ZER1: variants seen among roughly 807,000 people sequenced by gnomAD.
The protein encoded by ZER1 is zyg-11 related cell cycle regulator, also known as protein zer-1 homolog.
ZER1 carries 11 observed loss-of-function variants against 78.8 expected under a neutral mutation model. That is an observed-to-expected ratio of 0.14 (90% CI 0.09 to 0.23). The LOEUF (loss-of-function observed/expected upper bound fraction) is 0.23. Among genes scored for constraint, ZER1 ranks in the 10% least tolerant of loss-of-function variants. ZER1 has a pLI of 1.00. For missense variants in ZER1, 588 were observed against 996.9 expected, an observed-to-expected ratio of 0.59 and a Z score of 5.52; for synonymous variants, 400 against 407.0, an observed-to-expected ratio of 0.98 and a Z score of 0.21.
chr9:128,731,191 G>C lies in ZER1; in HGVS notation c.*146C>G, dbSNP rs1177963838. Reference sequence around the variant, plus strand: ...TATATATATATCTCACTAACATTAAGGAAAAGCGTCGGTTGTGCAAAAGTC... The same window carrying C: ...TATATATATATCTCACTAACATTAACGAAAAGCGTCGGTTGTGCAAAAGTC... On this transcript the variant is annotated 3_prime_UTR_variant, in exon 16 of 16. Coordinates refer to ENST00000291900, the MANE Select transcript of ZER1 (RefSeq NM_006336.4). 9.6e-6 allele frequency: 5 copies of C among 518,168 alleles called. No individual in the cohort carries two copies. In the South Asian group the frequency reaches 1.6e-4, roughly 16 times the overall value. 32.1% of individuals were successfully genotyped at this position (518,168 alleles called of 1,614,324 possible).
Position 128,740,155 on chromosome 9 carries a change from CCCCCAGTT to C in ZER1, c.1854-44_1854-37del. ...AAAGACAGAAAAATGGAGTCCCACT[CCCCCAGTT>C]TCTCTTCAGATACCAGCGGCAGGAC... is the stretch of plus-strand genomic sequence containing the variant. On this transcript the variant is annotated intron_variant, in intron 12 of 15. Transcript: ENST00000291900. This position sits in a 1 kb window ranked among gnomAD's most constrained non-coding sequence, Gnocchi z 4.4. 1 of 1,549,702 alleles carries C rather than the reference CCCCCAGTT, an allele frequency of 6.5e-7. No homozygotes were observed. Among genetic ancestry groups the C allele is most frequent in the South Asian group, 1.2e-5 (1 of 85,350 alleles).
chr9:128,739,987 G>A lies in ZER1; in HGVS notation c.1986C>T (p.Arg662=), dbSNP rs1356116519. The part of the protein sequence containing the change: ...CEPQREEVEE[R]MWAAIQSWDI... ...CCCAGCTCTGGATGGCAGCCCACAT[G>A]CGTTCCTCCACCTCCTCACGCTGGG... is the stretch of plus-strand genomic sequence containing the variant. The change falls in exon 13 of 16, where the codon CGC becomes CGT. Residue 662 remains arginine, a synonymous_variant. Transcript: ENST00000291900. 5 of 1,613,788 alleles carry A rather than the reference G, an allele frequency of 3.1e-6. No homozygotes were observed. The East Asian group carries it at 6.7e-5, about 22-fold the overall frequency.
rs756084455 is a variant in ZER1, at chr9:128,752,897, G to C, written c.747-48C>G. ...CAGGTTAGGAGCTGGGTACAGGGTG[G>C]GGCTGCCTTGCAGATCCCAGCTCCT... On this transcript the variant is annotated intron_variant, in intron 4 of 15. Transcript: ENST00000291900. 9 of 1,576,142 alleles carry C rather than the reference G, an allele frequency of 5.7e-6. No individual in the cohort carries two copies. In the Admixed American group the frequency reaches 1.5e-4, roughly 26 times the overall value.
At position 128,753,145 on chromosome 9, in the gene ZER1, C is replaced by G. The variant is rs1186775259; in HGVS notation, c.746+19G>C. On this transcript the variant is annotated intron_variant, in intron 4 of 15. Transcript: ENST00000291900. This position sits in a 1 kb window ranked among gnomAD's most constrained non-coding sequence, Gnocchi z 7.5. ...GCCCCCCAAACCCCACCCTGGTGAG[C>G]TCTGGGCCAGGAGCTCACCGCAGCT... is the stretch of plus-strand genomic sequence containing the variant. The G allele has an allele frequency of 9.2e-6, 14 of 1,515,730 alleles. No individual in the cohort carries two copies. The highest frequency in any genetic ancestry group is 1.2e-5 in the Non-Finnish European group (14 of 1,129,526). The allele number at this position is 1,515,730 out of a possible 1,614,324, so 93.9% of individuals were successfully genotyped here. A position where few individuals can be genotyped will look rare whatever the true frequency, so the allele number is the denominator to read the frequency against.
rs571804210 is a variant in ZER1 at position 128,755,179 on chromosome 9, C to A, written c.158+229G>T. ...CTTACATGTGTACACACACCCATGC[C>A]TTCACGTGCACACCCCTCCACACAC... On this transcript the variant is annotated intron_variant, in intron 2 of 15. Transcript: ENST00000291900. This position sits in a 1 kb window ranked among gnomAD's most constrained non-coding sequence, Gnocchi z 5.6. Among the ~76,000 whole-genome samples, 2 of 152,192 alleles carry A rather than the reference C, an allele frequency of 1.3e-5. No homozygotes were observed. The highest frequency in any genetic ancestry group is 3.9e-4 in the East Asian group (2 of 5,188).
chr9:128,740,031 C>A lies in ZER1; in HGVS notation c.1942G>T (p.Ala648Ser). The A allele has an allele frequency of 6.2e-7, 1 of 1,614,070 alleles. No individual in the cohort carries two copies. Among genetic ancestry groups the A allele is most frequent in the South Asian group, 1.1e-5 (1 of 91,072 alleles). ...LSHIMFDGPE[A>S]WGVCEPQREE... ...CGCTGGGGCTCACAGACGCCCCAGGCCTCGGGTCCATCAAACATGATGTGG... is the reference window on the plus strand; with the variant it reads ...CGCTGGGGCTCACAGACGCCCCAGGACTCGGGTCCATCAAACATGATGTGG... The change falls in exon 13 of 16, where the codon GCC (alanine) becomes TCC (serine). Residue 648 changes from alanine (A) to serine (S), a missense_variant. Around this residue, in one of 3 missense-constraint regions of ZER1, gnomAD observed 122 missense variants for 173.5 expected, o/e 0.70. Transcript: ENST00000291900. The surrounding 1 kb of genome is among the most constrained non-coding windows in gnomAD (Gnocchi z 4.4).
intron 9 of ZER1, 126 bp downstream of exon 9, chr9:128,742,404 G>T: frequency 1.8e-6 from 2 of 1,088,852 alleles, no homozygotes; most frequent in Non-Finnish European, 2.7e-6. Context: ...AATCCCTCAT[G>T]CTTCAGCACA....
At chr9:128,747,590 T>G (rs1412513363) in intron 8 of ZER1, among the ~76,000 whole-genome samples, 2 of 152,210 alleles carry the variant, frequency 1.3e-5, no homozygotes, top group African/African-American at 4.8e-5. Context: ...TTTTCATCTT[T>G]TAAGCATTTA....
chr9:128,751,251 G>C lies in ZER1; in HGVS notation c.1056C>G (p.Asn352Lys). ...IPAYKVSGDK[N>K]EEQVLNAIEA... Reference sequence around the variant, plus strand: ...CGATGGCATTCAGCACCTGCTCTTCGTTTTTGTCACCACTTACCTGCGGGT... The same window carrying C: ...CGATGGCATTCAGCACCTGCTCTTCCTTTTTGTCACCACTTACCTGCGGGT... Residue 352 changes from asparagine (N) to lysine (K), a missense_variant, in exon 7 of 16, where the codon AAC becomes AAG. Coordinates refer to ENST00000291900, the MANE Select transcript of ZER1 (RefSeq NM_006336.4). The surrounding 1 kb of genome is among the most constrained non-coding windows in gnomAD (Gnocchi z 5.4). The C allele has an allele frequency of 6.3e-7, 1 of 1,599,072 alleles. No individual in the cohort carries two copies.
chr9:128,732,438 C>T lies in ZER1; in HGVS notation c.2243+988G>A, dbSNP rs972515556. ...AGGCTGGAGTGCAGTGGCACCATCT[C>T]GGCTCACTGCAACCTCTGCCTCCTG... is the stretch of plus-strand genomic sequence containing the variant. On this transcript the variant is annotated intron_variant, in intron 15 of 15. Coordinates refer to ENST00000291900, the MANE Select transcript of ZER1 (RefSeq NM_006336.4). The surrounding 1 kb of genome is among the most constrained non-coding windows in gnomAD (Gnocchi z 4.8). Among the ~76,000 whole-genome samples the T allele has an allele frequency of 6.6e-6, 1 of 152,204 alleles. No homozygotes were observed. The highest frequency in any genetic ancestry group is 1.9e-4 in the East Asian group (1 of 5,204).
chr9:128,746,958 G>A (rs1409580367), intron 8 of ZER1, among the ~76,000 whole-genome samples: 2 of 152,028 alleles, frequency 1.3e-5, no homozygotes. Context: ...TTGTAGAGAA[G>A]GGGCAGGTGG....
At chr9:128,771,200 T>A (rs1589554525) in intron 1 of ZER1, among the ~76,000 whole-genome samples, 1 of 152,246 alleles carries the variant, frequency 6.6e-6, no homozygotes, top group Admixed American at 6.5e-5. Context: ...CTCACCCTGT[T>A]GGATTTCCCT....
At chr9:128,766,154 T>C (rs542375667) in intron 1 of ZER1, among the ~76,000 whole-genome samples, 2 of 151,674 alleles carry the variant, frequency 1.3e-5, no homozygotes, top group Non-Finnish European at 1.5e-5. Context: ...ATTGAGACCA[T>C]CCTGGCCAAC....
In ZER1 at chr9:128,731,328, C is replaced by T. The variant is rs777730856; in HGVS notation, c.*9G>A. 42 of 1,577,288 alleles carry T rather than the reference C, an allele frequency of 2.7e-5. 1 individual carries two copies. Among genetic ancestry groups the T allele is most frequent in the Admixed American group, 2.4e-4 (14 of 58,302 alleles). ...TCCAGAGCGGTGGCGGCCATGGGGA[C>T]GGAGGCCTCTATCTAGACGTGTCCA... On this transcript the variant is annotated 3_prime_UTR_variant, in exon 16 of 16. Coordinates refer to ENST00000291900, the MANE Select transcript of ZER1 (RefSeq NM_006336.4).
At chr9:128,765,448 A>G (rs567892957) in intron 1 of ZER1, among the ~76,000 whole-genome samples, 5 of 152,338 alleles carry the variant, frequency 3.3e-5, no homozygotes, top group African/African-American at 1.2e-4. Context: ...GAGATCACAA[A>G]ACTGATGAGA....
intron 8 of ZER1, among the ~76,000 whole-genome samples, chr9:128,745,639 G>A (rs1432272070): frequency 6.6e-6 from 1 of 151,842 alleles, no homozygotes; most frequent in East Asian, 1.9e-4. Context: ...TTATAGGTGT[G>A]AGCCACCTTG....
At chr9:128,742,420 CCT>C in intron 9 of ZER1, 108 bp downstream of exon 9, 1 of 1,275,028 alleles carries the variant, frequency 7.8e-7, no homozygotes, top group Non-Finnish European at 1.1e-6. Context: ...GCACACTCTC[CCT>C]CTCCGACTCC....
chr9:128,755,503 C>T lies in ZER1; in HGVS notation c.63G>A (p.Leu21=). ...ALCTDFCLRN[L]DGTLGYLLDK... ...CCAGCAGGTAGCCCAGGGTGCCATCCAGGTTGCGCAAGCAGAAGTCAGTAC... is the reference window on the plus strand; with the variant it reads ...CCAGCAGGTAGCCCAGGGTGCCATCTAGGTTGCGCAAGCAGAAGTCAGTAC... Residue 21 remains leucine (L), a synonymous_variant, in exon 2 of 16, where the codon CTG becomes CTA. Coordinates refer to ENST00000291900, the MANE Select transcript of ZER1 (RefSeq NM_006336.4). The surrounding 1 kb of genome is among the most constrained non-coding windows in gnomAD (Gnocchi z 5.6). 3.1e-6 allele frequency: 5 copies of T among 1,613,972 alleles called. No homozygotes were observed. Among genetic ancestry groups the T allele is most frequent in the South Asian group, 1.1e-5 (1 of 91,072 alleles).
intron 1 of ZER1, among the ~76,000 whole-genome samples, chr9:128,758,522 G>C (rs1043430488): frequency 6.6e-6 from 1 of 151,928 alleles, no homozygotes; most frequent in Admixed American, 6.6e-5. Flanking sequence ...AGGCTCAAGC[G>C]ATCCTCCCAC....
Sources: gnomAD v4.1 joint callset for allele counts (sites outside exome capture counted in the v4.1 genomes callset) on GRCh38, gnomAD v4.1.1 for gene constraint, gnomAD v4.1.1 regional missense constraint, Gnocchi (gnomAD v3.1) non-coding constraint, MANE v1.5 for transcripts, NCBI Gene and HGNC (gene_info 2026-07-23, HGNC 2026-07-21) for gene names.